The following TAAR2 variants were observed in gnomAD, a reference collection of about 807,000 sequenced individuals.
The protein encoded by TAAR2 is trace amine associated receptor 2, also known as trace amine-associated receptor 2.
A neutral mutation model predicts 25.5 loss-of-function variants in TAAR2; 30 were observed. The observed-to-expected ratio is 1.18, with a 90% CI of 0.88 to 1.60. The LOEUF is 1.60. TAAR2 is among the 40% of genes most tolerant of loss of function. The pLI, the probability that TAAR2 is intolerant of heterozygous loss-of-function variation, is 0.00. For missense variants in TAAR2, 481 were observed against 416.5 expected (o/e 1.15, Z -1.35); for synonymous variants, 150 against 142.4 (o/e 1.05, Z -0.38).
chr6:132,617,189 G>A lies in TAAR2; in HGVS notation c.1017C>T (p.Phe339=), dbSNP rs1353654742. Residue 339 remains phenylalanine (F), a synonymous_variant, in exon 2 of 2, where the codon TTC becomes TTT. Coordinates refer to ENST00000367931, the MANE Select transcript of TAAR2 (RefSeq NM_001033080.1). The part of the protein sequence containing the change: ...ILLGKIFSSC[F]HNTILCMQKE... ...TTTGCATACACAAAATAGTATTATG[G>A]AAACATGAGCTGAAAATTTTACCTA... is the stretch of plus-strand genomic sequence containing the variant. 1 of 1,602,098 alleles carries A rather than the reference G, an allele frequency of 6.2e-7. No individual in the cohort carries two copies. The highest frequency in any genetic ancestry group is 1.8e-5 in the Admixed American group (1 of 56,932).
intron 1 of TAAR2, among the ~76,000 whole-genome samples, chr6:132,623,784 C>T (rs2114614867): frequency 6.6e-6 from 1 of 152,076 alleles, no homozygotes; most frequent in South Asian, 2.1e-4. Flanking sequence ...CTCCTCCATC[C>T]TCCCAGGAGT....
At chr6:132,621,884 A>T (rs1008770774) in intron 1 of TAAR2, among the ~76,000 whole-genome samples, 3 of 152,146 alleles carry the variant, frequency 2.0e-5, no homozygotes, top group Non-Finnish European at 2.9e-5. Flanking sequence ...CATCCCCCAT[A>T]ATTTATTTGA....
chr6:132,620,563 C>T (rs962578544), intron 1 of TAAR2, among the ~76,000 whole-genome samples: 1 of 151,954 alleles, frequency 6.6e-6, no homozygotes, highest in African/African-American at 2.4e-5. Context: ...GGAAGCTAAA[C>T]GATGAGAACT....
rs558916391 is a variant in TAAR2, at chr6:132,618,070, T to G, written c.136A>C (p.Met46Leu). ...NERSLGVRVA[M>L]YSFMAGSIFI... Reference sequence around the variant, plus strand: ...ATGGATCCTGCCATAAATGAATACATAGCCACTCGGACACCCAGAGATCTT... The same window carrying G: ...ATGGATCCTGCCATAAATGAATACAGAGCCACTCGGACACCCAGAGATCTT... Residue 46 changes from methionine to leucine, a missense_variant, in exon 2 of 2, where the codon ATG becomes CTG. By Grantham distance (15) the Met-to-Leu change is conservative. Transcript: ENST00000367931. 6 of 1,613,996 alleles carry G rather than the reference T, an allele frequency of 3.7e-6. No homozygotes were observed. Among genetic ancestry groups the G allele is most frequent in the South Asian group, 2.2e-5 (2 of 91,064 alleles).
intron 1 of TAAR2, 94 bp downstream of exon 1, chr6:132,624,122 C>T: frequency 8.5e-7 from 1 of 1,176,214 alleles, no homozygotes; most frequent in Non-Finnish European, 1.2e-6. Context: ...AGGAATTGAG[C>T]ATAATTATTA....
intron 1 of TAAR2, 128 bp from the exon 2 acceptor site, chr6:132,618,273 C>T: frequency 5.8e-6 from 5 of 857,264 alleles, no homozygotes; most frequent in Non-Finnish European, 6.9e-6. Context: ...TGTAATATTA[C>T]TCATGATCTT....
Position 132,617,194 on chromosome 6 carries a change from A to G in TAAR2, c.1012T>C (p.Cys338Arg). ...YILLGKIFSS[C>R]FHNTILCMQK... ...ATACACAAAATAGTATTATGGAAACATGAGCTGAAAATTTTACCTAGCAAA... is the reference window on the plus strand; with the variant it reads ...ATACACAAAATAGTATTATGGAAACGTGAGCTGAAAATTTTACCTAGCAAA... Residue 338 changes from cysteine (C) to arginine (R), a missense_variant, in exon 2 of 2, where the codon TGT becomes CGT. Cys to Arg is a radical substitution (Grantham distance 180, BLOSUM62 -3). Transcript: ENST00000367931. 6.2e-7 allele frequency: 1 copy of G among 1,605,144 alleles called. No homozygotes were observed. Among genetic ancestry groups the G allele is most frequent in the Non-Finnish European group, 8.5e-7 (1 of 1,177,904 alleles).
chr6:132,621,663 T>G (rs992974642), intron 1 of TAAR2, among the ~76,000 whole-genome samples: 1 of 152,154 alleles, frequency 6.6e-6, no homozygotes, highest in Admixed American at 6.6e-5. Flanking sequence ...TCTAAAATCA[T>G]AGGCTACAGG....
chr6:132,623,652 G>A (rs1482495171), intron 1 of TAAR2, among the ~76,000 whole-genome samples: 1 of 149,060 alleles, frequency 6.7e-6, no homozygotes, highest in Non-Finnish European at 1.5e-5. Context: ...AACTATGTGA[G>A]TTGTGCTGAT....
chr6:132,624,085 A>G, intron 1 of TAAR2, 131 bp downstream of exon 1: 1 of 870,064 alleles, frequency 1.1e-6, no homozygotes, highest in Non-Finnish European at 1.8e-6. Flanking sequence ...TTAAAAGAAC[A>G]CATTTCATCA....
In TAAR2 at chr6:132,617,249, A is replaced by G; in HGVS notation, c.957T>C (p.Tyr319=). 6.2e-7 allele frequency: 1 copy of G among 1,613,720 alleles called. No individual in the cohort carries two copies. Among genetic ancestry groups the G allele is most frequent in the Non-Finnish European group, 8.5e-7 (1 of 1,179,898 alleles). The change falls in exon 2 of 2, where the codon TAT becomes TAC. Residue 319 remains tyrosine, a synonymous_variant. Coordinates refer to ENST00000367931, the MANE Select transcript of TAAR2 (RefSeq NM_001033080.1). ...ACTTCAGTGCTCTGCGAAACCAGGG[A>G]TAGAAGAAACCATATATTAACGGAT... ...TCNPLIYGFF[Y]PWFRRALKYI...
chr6:132,624,098 C>G (rs949134305), intron 1 of TAAR2, 118 bp downstream of exon 1: 16 of 967,822 alleles, frequency 1.7e-5, no homozygotes, highest in South Asian at 8.0e-5. Context: ...TTTCATCAAC[C>G]CTTTTAGATC....
chr6:132,618,131 G>A lies in TAAR2; in HGVS notation c.75C>T (p.Cys25=), dbSNP rs560342342. 7 of 1,572,410 alleles carry A rather than the reference G, an allele frequency of 4.5e-6. No homozygotes were observed. The highest frequency in any genetic ancestry group is 2.3e-5 in the East Asian group (1 of 44,420). ...RTQTKKEKFN[C]SEYGNRSCPE... ...GGCAAGATCTATTTCCATATTCAGA[G>A]CAATTGAATTTTTCCTTCAAAAAAC... is the stretch of plus-strand genomic sequence containing the variant. The change falls in exon 2 of 2, where the codon TGC becomes TGT. Residue 25 remains cysteine, a synonymous_variant. Transcript: ENST00000367931.
At chr6:132,624,138 G>T in intron 1 of TAAR2, 78 bp downstream of exon 1, 1 of 1,331,744 alleles carries the variant, frequency 7.5e-7, no homozygotes, top group Non-Finnish European at 1.1e-6. Flanking sequence ...TATTATCTTT[G>T]TAAATAATTC....
intron 1 of TAAR2, among the ~76,000 whole-genome samples, chr6:132,619,972 A>G (rs1777352668): frequency 6.6e-6 from 1 of 152,210 alleles, no homozygotes; most frequent in African/African-American, 2.4e-5. Context: ...CAGAGAGAAT[A>G]CAAGGTGGAG....
intron 1 of TAAR2, 161 bp from the exon 2 acceptor site, chr6:132,618,306 T>C: frequency 2.5e-6 from 2 of 796,386 alleles, no homozygotes; most frequent in Admixed American, 3.4e-5. Flanking sequence ...ATTTTAATCT[T>C]TATTTGTAAT....
chr6:132,619,188 G>A (rs1261444932), intron 1 of TAAR2, among the ~76,000 whole-genome samples: 1 of 152,170 alleles, frequency 6.6e-6, no homozygotes, highest in Non-Finnish European at 1.5e-5. Context: ...CACACACAAG[G>A]CTATGAGCAG....
At chr6:132,621,167 A>C (rs886089500) in intron 1 of TAAR2, among the ~76,000 whole-genome samples, 22 of 152,154 alleles carry the variant, frequency 1.4e-4, no homozygotes, top group South Asian at 2.1e-4. Flanking sequence ...AAAAAAAAAA[A>C]AACAACAACA....
In TAAR2 at chr6:132,617,582, T is replaced by A. The variant is rs1198331573; in HGVS notation, c.624A>T (p.Leu208=). The A allele has an allele frequency of 1.2e-6, 2 of 1,614,040 alleles. No individual in the cohort carries two copies. The highest frequency in any genetic ancestry group is 3.3e-5 in the Admixed American group (2 of 60,004). Reference sequence around the variant, plus strand: ...CTGCCATAAACAAGGTGGTCCCCCATAGCTTGTTGAACATCACTGGGCAGG... The same window carrying A: ...CTGCCATAAACAAGGTGGTCCCCCAAAGCTTGTTGAACATCACTGGGCAGG... ...SSSCPVMFNK[L]WGTTLFMAGF... The change falls in exon 2 of 2, where the codon CTA becomes CTT. Residue 208 remains leucine (L), a synonymous_variant. Coordinates refer to ENST00000367931, the MANE Select transcript of TAAR2 (RefSeq NM_001033080.1).
Sources: allele counts gnomAD v4.1 joint callset (sites outside exome capture counted in the v4.1 genomes callset), GRCh38; gene constraint gnomAD v4.1.1; transcripts MANE v1.5; gene names NCBI Gene and HGNC (gene_info 2026-07-23, HGNC 2026-07-21).